Variants in LAMC1 observed in about 807,000 individuals in gnomAD.
LAMC1 encodes the protein laminin subunit gamma-1.
In LAMC1, 38 loss-of-function variants were observed where a neutral mutation model predicts 173.6. That is an observed-to-expected ratio of 0.22 (90% confidence interval 0.17 to 0.29). LAMC1 has a LOEUF of 0.29. Among genes scored for constraint, LAMC1 ranks in the 10% least tolerant of loss-of-function variants. LAMC1 has a pLI of 1.00. For missense variants in LAMC1, 1,824 were observed against 2,051.8 expected, an observed-to-expected ratio of 0.89 and a Z score of 2.14; for synonymous variants, 746 against 749.1, an observed-to-expected ratio of 1.00 and a Z score of 0.07.
intron 1 of LAMC1, among the ~76,000 whole-genome samples, chr1:183,034,386 T>C (rs1653921568): frequency 6.6e-6 from 1 of 152,204 alleles, no homozygotes. Context: ...TTCTCCTGCC[T>C]CAGCCTCCTG....
chr1:183,042,734 A>G (rs1654168799), intron 1 of LAMC1, among the ~76,000 whole-genome samples: 1 of 152,186 alleles, frequency 6.6e-6, no homozygotes, highest in Admixed American at 6.5e-5. Flanking sequence ...TTCTGCTCTT[A>G]GTGCACAGCC....
chr1:183,109,625 A>T (rs111960564), intron 3 of LAMC1, among the ~76,000 whole-genome samples: 3,162 of 152,274 alleles, frequency 0.021, 60 homozygotes, highest in South Asian at 0.079. Context: ...TTGAGAGAAG[A>T]TGAGAGCTGG....
intron 1 of LAMC1, among the ~76,000 whole-genome samples, chr1:183,036,555 A>G (rs749333876): frequency 6.6e-6 from 1 of 151,440 alleles, no homozygotes; most frequent in African/African-American, 2.4e-5. Flanking sequence ...GGCATGTGCC[A>G]CCACACCCAG....
intron 1 of LAMC1, among the ~76,000 whole-genome samples, chr1:183,047,975 G>T (rs1422089763): frequency 6.6e-6 from 1 of 151,776 alleles, no homozygotes; most frequent in Admixed American, 6.6e-5. Context: ...CAATTCGGAA[G>T]GCCCCATCTC....
chr1:183,097,960 G>A (rs538791640), intron 1 of LAMC1, among the ~76,000 whole-genome samples: 6 of 152,150 alleles, frequency 3.9e-5, no homozygotes, highest in South Asian at 2.1e-4. Context: ...TGTGAACATG[G>A]GGTGAGGAGT....
intron 19 of LAMC1, 63 bp from the exon 20 acceptor site, chr1:183,131,236 T>A: frequency 7.5e-7 from 1 of 1,328,838 alleles, no homozygotes; most frequent in Non-Finnish European, 1.1e-6. Flanking sequence ...TAGTTTTGAC[T>A]CTTGCTTTAT....
At chr1:183,117,948 G>T in intron 10 of LAMC1, 86 bp from the exon 11 acceptor site, 9 of 844,032 alleles carry the variant, frequency 1.1e-5, no homozygotes, top group Non-Finnish European at 1.8e-5. Flanking sequence ...GCATTGCATT[G>T]TTGGGGCATA....
In LAMC1 at chr1:183,023,747, C is replaced by G. The variant is rs1236607655; in HGVS notation, c.31C>G (p.Leu11Val). 7 of 1,210,078 alleles carry G rather than the reference C, an allele frequency of 5.8e-6. No homozygotes were observed. The highest frequency in any genetic ancestry group is 7.2e-5 in the East Asian group (2 of 27,948). 75.0% of individuals were successfully genotyped at this position (1,210,078 alleles called of 1,614,324 possible). The change falls in exon 1 of 28, where the codon CTG becomes GTG. Residue 11 changes from leucine to valine, a missense_variant. By Grantham distance (32) the Leu-to-Val change is conservative. Coordinates refer to ENST00000258341, the MANE Select transcript of LAMC1 (RefSeq NM_002293.4). MRGSHRAAPA[L>V]RPRGRLWPVL... ...AGGGAGCCATCGGGCCGCGCCGGCC[C>G]TGCGGCCCCGGGGGCGGCTCTGGCC... is the stretch of plus-strand genomic sequence containing the variant.
chr1:183,083,788 T>G (rs1315085877), intron 1 of LAMC1, among the ~76,000 whole-genome samples: 1 of 152,218 alleles, frequency 6.6e-6, no homozygotes, highest in Non-Finnish European at 1.5e-5. Context: ...TATTCCAGTT[T>G]TTTTACATAC....
chr1:183,116,865 G>A lies in LAMC1; in HGVS notation c.1526G>A (p.Gly509Asp). The A allele has an allele frequency of 6.2e-7, 1 of 1,613,932 alleles. No homozygotes were observed. Among genetic ancestry groups the A allele is most frequent in the African/African-American group, 1.3e-5 (1 of 75,024 alleles). ...GHSSVCTNAV[G>D]YSVYSISSTF... ...TCTTCTGTCTGTACAAACGCTGTTG[G>A]CTACAGTGTTTATTCTATCTCCTCT... The change falls in exon 8 of 28, where the codon GGC becomes GAC. Residue 509 changes from glycine (G) to aspartate (D), a missense_variant. Gly to Asp is a moderately conservative substitution (Grantham distance 94). Transcript: ENST00000258341.
intron 1 of LAMC1, among the ~76,000 whole-genome samples, chr1:183,080,776 AGTTT>A (rs1655251735): frequency 6.7e-6 from 1 of 149,380 alleles, no homozygotes; most frequent in South Asian, 2.1e-4. Context: ...GTTTTTAGTT[AGTTT>A]TTTTTTTTTT....
intron 16 of LAMC1, 135 bp downstream of exon 16, chr1:183,126,397 G>C (rs182202847): frequency 3.8e-6 from 3 of 785,584 alleles, no homozygotes; most frequent in Non-Finnish European, 6.1e-6. Context: ...CATCGTAGAT[G>C]CTTTATTTGA....
intron 1 of LAMC1, 40 bp from the exon 2 acceptor site, chr1:183,103,288 A>G (rs1655880082): frequency 6.4e-7 from 1 of 1,574,432 alleles, no homozygotes; most frequent in Non-Finnish European, 8.7e-7. Context: ...TGTTTGCTTC[A>G]TACGTATGAT....
In LAMC1 at chr1:183,132,500, A is replaced by G. The variant is rs892534215; in HGVS notation, c.3667A>G (p.Asn1223Asp). 5.6e-6 allele frequency: 9 copies of G among 1,613,872 alleles called. No individual in the cohort carries two copies. The highest frequency in any genetic ancestry group is 7.6e-6 in the Non-Finnish European group (9 of 1,179,892). The change falls in exon 21 of 28, where the codon AAT (asparagine) becomes GAT (aspartate). Residue 1223 changes from asparagine (N) to aspartate (D), a missense_variant. Coordinates refer to ENST00000258341, the MANE Select transcript of LAMC1 (RefSeq NM_002293.4). ...NLLLRTLAGE[N>D]QTAFEIEELN... Reference sequence around the variant, plus strand: ...GCTTCTGAGGACACTGGCAGGAGAAAATCAAACAGCATTTGAGATTGAAGA... The same window carrying G: ...GCTTCTGAGGACACTGGCAGGAGAAGATCAAACAGCATTTGAGATTGAAGA...
At chr1:183,128,483 AAAG>A (rs1571460017) in intron 17 of LAMC1, 108 bp from the exon 18 acceptor site, 11 of 680,320 alleles carry the variant, frequency 1.6e-5, no homozygotes, top group South Asian at 6.1e-5. Flanking sequence ...AAAAAAAAAA[AAAG>A]AACTACATAT....
intron 1 of LAMC1, among the ~76,000 whole-genome samples, chr1:183,037,488 A>G (rs926507810): frequency 1.3e-5 from 2 of 152,224 alleles, no homozygotes; most frequent in African/African-American, 4.8e-5. Flanking sequence ...TGCTAACTGA[A>G]TAGGTCTAAC....
At chr1:183,092,586 A>G (rs1004541985) in intron 1 of LAMC1, among the ~76,000 whole-genome samples, 1 of 152,156 alleles carries the variant, frequency 6.6e-6, no homozygotes, top group Non-Finnish European at 1.5e-5. Flanking sequence ...GAACTACTAT[A>G]ACAGGAAGAC....
rs1655257331 is a variant in LAMC1, at chr1:183,080,965, T to C, written c.419-22363T>C. Among the ~76,000 whole-genome samples the C allele has an allele frequency of 2.0e-5, 3 of 152,188 alleles. No homozygotes were observed. The South Asian group carries it at 6.2e-4, about 31-fold the overall frequency. ...GTGCGCTGGCGCGATCTTGGCTCAC[T>C]GCAACCCCCATCTTCTGGTTTCAAA... On this transcript the variant is annotated intron_variant, in intron 1 of 27. Coordinates refer to ENST00000258341, the MANE Select transcript of LAMC1 (RefSeq NM_002293.4).
At chr1:183,086,237 A>G (rs975136634) in intron 1 of LAMC1, among the ~76,000 whole-genome samples, 2 of 152,234 alleles carry the variant, frequency 1.3e-5, no homozygotes, top group African/African-American at 2.4e-5. Flanking sequence ...CAATGTGCTT[A>G]TATGGCCGCG....
Sources: gnomAD v4.1 joint callset for allele counts (sites outside exome capture counted in the v4.1 genomes callset) on GRCh38, gnomAD v4.1.1 for gene constraint, MANE v1.5 for transcripts, NCBI Gene and HGNC (gene_info 2026-07-23, HGNC 2026-07-21) for gene names.